Variants in TRIM14 observed in about 807,000 individuals in gnomAD.
TRIM14 encodes the protein tripartite motif containing 14, also known as tripartite motif-containing protein 14.
A neutral mutation model predicts 44.5 loss-of-function variants in TRIM14; 28 were observed. That is an observed-to-expected ratio of 0.63 (90% confidence interval 0.47 to 0.86). The LOEUF (loss-of-function observed/expected upper bound fraction) is 0.86, where lower values mean the gene tolerates loss of function less well. Among genes scored for constraint, TRIM14 ranks in the 40% least tolerant of loss-of-function variants. The pLI, the probability that TRIM14 is intolerant of heterozygous loss-of-function variation, is 0.00. For missense variants in TRIM14, 607 were observed against 611.1 expected, an observed-to-expected ratio of 0.99 and a Z score of 0.07; for synonymous variants, 299 against 269.2, an observed-to-expected ratio of 1.11 and a Z score of -1.08.
At chr9:98,075,533 C>G (rs918152923) in intron 6 of TRIM14, 3 of 151,780 alleles carry the variant, frequency 2.0e-5, no homozygotes, top group Non-Finnish European at 2.9e-5. Context: ...GTCGGTCCGT[C>G]GGTCCTAGAC....
In TRIM14 at chr9:98,087,598, C is replaced by G. The variant is rs990470173; in HGVS notation, c.1201G>C (p.Val401Leu). ...LGVFLDYEAG[V>L]LAFYDVTGGM... ...CCCGTCACGTCGTAGAAGGCGAGGACGCCGGCCTCGTAGTCCAGGAAGACG... is the reference window on the plus strand; with the variant it reads ...CCCGTCACGTCGTAGAAGGCGAGGAGGCCGGCCTCGTAGTCCAGGAAGACG... The change falls in exon 6 of 6, where the codon GTC becomes CTC. Residue 401 changes from valine to leucine, a missense_variant. Physicochemically the swap from Val to Leu is conservative, Grantham distance 32. Transcript: ENST00000341469. The G allele has an allele frequency of 6.3e-7, 1 of 1,599,252 alleles. No individual in the cohort carries two copies. Among genetic ancestry groups the G allele is most frequent in the East Asian group, 2.3e-5 (1 of 44,430 alleles).
intron 1 of TRIM14, among the ~76,000 whole-genome samples, chr9:98,118,387 T>C (rs1438390705): frequency 3.9e-5 from 6 of 152,082 alleles, no homozygotes; most frequent in Non-Finnish European, 4.4e-5. Context: ...TTGTGGCCTA[T>C]AAAATGGCTG....
downstream of TRIM14, among the ~76,000 whole-genome samples, chr9:98,084,106 C>G (rs559442414): frequency 4.0e-5 from 6 of 151,392 alleles, no homozygotes; most frequent in Non-Finnish European, 7.4e-5. Flanking sequence ...TGTGGACACG[C>G]TGAAATCGGT....
chr9:98,093,090 C>A (rs544448754), intron 4 of TRIM14, among the ~76,000 whole-genome samples: 1 of 152,324 alleles, frequency 6.6e-6, no homozygotes, highest in East Asian at 1.9e-4. Flanking sequence ...AGGTTCACTT[C>A]ATTCCCTCCA....
chr9:98,080,605 T>C (rs1319769731), downstream of TRIM14, among the ~76,000 whole-genome samples: 1 of 152,230 alleles, frequency 6.6e-6, no homozygotes, highest in African/African-American at 2.4e-5. Context: ...GCATTTACAA[T>C]GTGCTGAGTG....
chr9:98,114,857 A>G (rs543299019), intron 1 of TRIM14, among the ~76,000 whole-genome samples: 186 of 152,306 alleles, frequency 1.2e-3, no homozygotes, highest in Non-Finnish European at 1.3e-3. Flanking sequence ...AGCAAGAATT[A>G]TTTACATGGG....
In TRIM14 at chr9:98,087,998, G is replaced by C. The variant is rs773746938; in HGVS notation, c.801C>G (p.Arg267=). The C allele has an allele frequency of 1.3e-6, 2 of 1,540,940 alleles. No individual in the cohort carries two copies. Among genetic ancestry groups the C allele is most frequent in the Admixed American group, 1.9e-5 (1 of 51,502 alleles). The change falls in exon 6 of 6, where the codon CGC becomes CGG. Residue 267 remains arginine (R), a synonymous_variant. Coordinates refer to ENST00000341469, the MANE Select transcript of TRIM14 (RefSeq NM_014788.4). ...TCGTGTCAGGATCCAGCGTGGGCGT[G>C]CGCGCGTCTGCAGGGGGCGAGACAA... is the stretch of plus-strand genomic sequence containing the variant. The part of the protein sequence containing the change: ...PERSLLLKYA[R]TPTLDPDTMH...
At chr9:98,046,502 C>T in the TRIM14 span, among the ~76,000 whole-genome samples, 2 of 151,682 alleles carry the variant, frequency 1.3e-5, no homozygotes, top group Non-Finnish European at 2.9e-5. Context: ...AGTGCAATGG[C>T]GTGATCTCGG....
chr9:98,071,896 G>A (rs1046028656), intron 6 of TRIM14, among the ~76,000 whole-genome samples: 1 of 152,214 alleles, frequency 6.6e-6, no homozygotes, highest in Non-Finnish European at 1.5e-5. Flanking sequence ...CTCCTTGCCC[G>A]TGAGGCTGCC....
At chr9:98,065,594 C>A (rs951465165), downstream of TRIM14, among the ~76,000 whole-genome samples, 1 of 148,932 alleles carries the variant, frequency 6.7e-6, no homozygotes, top group Non-Finnish European at 1.5e-5. Flanking sequence ...CCTTCTTGGC[C>A]TCCCAAAGTG....
At chr9:98,043,784 C>T in the TRIM14 span, among the ~76,000 whole-genome samples, 1 of 150,662 alleles carries the variant, frequency 6.6e-6, no homozygotes, top group African/African-American at 2.4e-5. Context: ...AAAGTAACAG[C>T]AGAGTTAAAG....
intron 1 of TRIM14, among the ~76,000 whole-genome samples, chr9:98,117,964 G>A (rs1827112946): frequency 6.6e-6 from 1 of 152,076 alleles, no homozygotes; most frequent in Non-Finnish European, 1.5e-5. Context: ...CTGGTGGCAG[G>A]GACAGGTCTT....
chr9:98,064,173 A>G, the TRIM14 span, among the ~76,000 whole-genome samples: 2 of 152,244 alleles, frequency 1.3e-5, no homozygotes, highest in Non-Finnish European at 2.9e-5. Context: ...ACACTTCTGT[A>G]GACCAAATTC....
At chr9:98,073,140 C>T (rs1829418331) in intron 6 of TRIM14, among the ~76,000 whole-genome samples, 2 of 152,154 alleles carry the variant, frequency 1.3e-5, no homozygotes, top group South Asian at 2.1e-4. Flanking sequence ...CAAAGCCGCC[C>T]TTCCCTCCAG....
the TRIM14 span, among the ~76,000 whole-genome samples, chr9:98,047,136 G>A: frequency 2.2e-3 from 339 of 152,176 alleles, 3 homozygotes; most frequent in African/African-American, 7.8e-3. Flanking sequence ...TCATGGTGGC[G>A]GTTTCCCCCA....
chr9:98,067,653 T>A (rs1336939386), downstream of TRIM14, among the ~76,000 whole-genome samples: 1 of 152,230 alleles, frequency 6.6e-6, no homozygotes, highest in Non-Finnish European at 1.5e-5. Flanking sequence ...TTATATATTT[T>A]AAGTACAAGT....
At chr9:98,090,613 G>T (rs928725850) in intron 5 of TRIM14, among the ~76,000 whole-genome samples, 1 of 149,524 alleles carries the variant, frequency 6.7e-6, no homozygotes, top group South Asian at 2.1e-4. Context: ...TGCCAGGCTG[G>T]AGTGCAGTAG....
the TRIM14 span, among the ~76,000 whole-genome samples, chr9:98,050,739 T>G: frequency 6.6e-6 from 1 of 152,180 alleles, no homozygotes; most frequent in Non-Finnish European, 1.5e-5. Context: ...GTTTCTGGTC[T>G]CAGCGTGTCA....
chr9:98,043,798 G>C, the TRIM14 span, among the ~76,000 whole-genome samples: 1 of 151,450 alleles, frequency 6.6e-6, no homozygotes, highest in Non-Finnish European at 1.5e-5. Flanking sequence ...GTTAAAGCAA[G>C]CAGAAAAGAA....
Sources: allele counts gnomAD v4.1 joint callset (sites outside exome capture counted in the v4.1 genomes callset), GRCh38; gene constraint gnomAD v4.1.1; transcripts MANE v1.5; gene names NCBI Gene and HGNC (gene_info 2026-07-23, HGNC 2026-07-21).